Variants in SBF2 observed in about 807,000 individuals in gnomAD.
The protein encoded by SBF2 is myotubularin-related protein 13.
Under a neutral mutation model 225.2 loss-of-function variants are expected in SBF2, and 112 were observed. The observed-to-expected ratio is 0.50, with a 90% CI of 0.43 to 0.58. SBF2 has a LOEUF of 0.58. Among genes scored for constraint, SBF2 ranks in the 20% least tolerant of loss-of-function variants. The pLI is 0.00. For synonymous variants in SBF2, 763 were observed against 773.3 expected, an observed-to-expected ratio of 0.99 and a Z score of 0.22; for missense variants, 1,996 against 2,206.2, an observed-to-expected ratio of 0.90 and a Z score of 1.91.
intron 17 of SBF2, among the ~76,000 whole-genome samples, chr11:9,885,624 T>C (rs560614248): frequency 5.9e-4 from 90 of 152,306 alleles, no homozygotes; most frequent in African/African-American, 2.0e-3. Context: ...GGACACTTTA[T>C]ATTATATTCT....
In SBF2 at chr11:9,998,345, G is replaced by A. The variant is rs778811954; in HGVS notation, c.896C>T (p.Thr299Ile). The A allele has an allele frequency of 6.2e-6, 10 of 1,606,182 alleles. No homozygotes were observed. The Admixed American group carries it at 8.3e-5, about 13-fold the overall frequency. ...GTGAATACATTCGGGAATTTTAATA[G>A]TGCCTCCATCCAAATCTGCTATGAT... ...DVIIADLDGG[T>I]IKIPECIHLS... Residue 299 changes from threonine (T) to isoleucine (I), a missense_variant, in exon 9 of 40, where the codon ACT (threonine) becomes ATT (isoleucine). Physicochemically the swap from Thr to Ile is moderately conservative, Grantham distance 89 (BLOSUM62 -1). Coordinates refer to ENST00000256190, the MANE Select transcript of SBF2 (RefSeq NM_030962.4).
chr11:9,884,720 T>C (rs770052877), intron 17 of SBF2, among the ~76,000 whole-genome samples: 4 of 152,254 alleles, frequency 2.6e-5, no homozygotes, highest in African/African-American at 9.6e-5. Context: ...TCAAGTCTTA[T>C]GGGAGGCACT....
intron 25 of SBF2, 130 bp from the exon 26 acceptor site, chr11:9,839,826 T>C (rs918635475): frequency 9.2e-6 from 10 of 1,092,498 alleles, no homozygotes; most frequent in African/African-American, 1.5e-5. Context: ...AAGAAATGAT[T>C]AGCTCAAAGC....
chr11:10,132,547 T>C (rs1954112033), intron 2 of SBF2, among the ~76,000 whole-genome samples: 1 of 147,698 alleles, frequency 6.8e-6, no homozygotes, highest in Admixed American at 6.9e-5. Flanking sequence ...GCAGCGCGTC[T>C]GGAGTTGTTC....
intron 12 of SBF2, among the ~76,000 whole-genome samples, chr11:9,990,420 C>T (rs1018109703): frequency 6.6e-6 from 1 of 152,214 alleles, no homozygotes; most frequent in African/African-American, 2.4e-5. Context: ...CATAACACCC[C>T]ATTGTGGTAG....
At chr11:10,252,621 T>C (rs1342241868) in intron 1 of SBF2, among the ~76,000 whole-genome samples, 3 of 152,204 alleles carry the variant, frequency 2.0e-5, no homozygotes, top group South Asian at 2.1e-4. Context: ...CCATCCTGAC[T>C]AACACGGTGA....
At chr11:10,174,227 A>T (rs542468569) in intron 2 of SBF2, among the ~76,000 whole-genome samples, 1 of 152,190 alleles carries the variant, frequency 6.6e-6, no homozygotes, top group Admixed American at 6.5e-5. Context: ...TACGGGAGGA[A>T]ATTCAAACCA....
intron 16 of SBF2, among the ~76,000 whole-genome samples, chr11:9,905,344 T>A (rs1862038611): frequency 6.6e-6 from 1 of 152,242 alleles, no homozygotes; most frequent in Non-Finnish European, 1.5e-5. Flanking sequence ...TATGCCTTTT[T>A]GAATGTCATA....
chr11:10,248,831 T>C (rs991112928), intron 1 of SBF2, among the ~76,000 whole-genome samples: 9 of 152,216 alleles, frequency 5.9e-5, no homozygotes, highest in East Asian at 1.9e-4. Context: ...CGCGGAGGCT[T>C]ACGCCTGTAA....
At chr11:10,036,475 T>G (rs1242056513) in intron 3 of SBF2, among the ~76,000 whole-genome samples, 2 of 152,310 alleles carry the variant, frequency 1.3e-5, no homozygotes, top group East Asian at 3.9e-4. Flanking sequence ...CGGGACATAA[T>G]TTAAAGTATA....
intron 2 of SBF2, among the ~76,000 whole-genome samples, chr11:10,184,827 T>A (rs1030386676): frequency 6.6e-6 from 1 of 152,194 alleles, no homozygotes; most frequent in Non-Finnish European, 1.5e-5. Flanking sequence ...CCTGGGCTCA[T>A]GCCATTCTCT....
intron 17 of SBF2, among the ~76,000 whole-genome samples, chr11:9,888,040 T>C (rs1030212141): frequency 6.6e-6 from 1 of 152,204 alleles, no homozygotes; most frequent in African/African-American, 2.4e-5. Flanking sequence ...GTCGGCATAT[T>C]TGTATTCCAT....
At chr11:9,942,946 G>C (rs772656149) in intron 16 of SBF2, among the ~76,000 whole-genome samples, 48 of 85,658 alleles carry the variant, frequency 5.6e-4, no homozygotes, top group South Asian at 1.5e-3. Context: ...AAAGAAGGAA[G>C]GAACGAAGGA....
chr11:9,803,512 C>A (rs1009159468), intron 32 of SBF2, among the ~76,000 whole-genome samples: 7 of 151,532 alleles, frequency 4.6e-5, no homozygotes, highest in Non-Finnish European at 7.4e-5. Flanking sequence ...AGAAGAATTT[C>A]ATTCCAAGTA....
chr11:10,118,938 A>C (rs1047056134), intron 2 of SBF2, among the ~76,000 whole-genome samples: 2 of 130,494 alleles, frequency 1.5e-5, no homozygotes, highest in African/African-American at 6.2e-5. Flanking sequence ...ACAAACAAAC[A>C]AAAAAAAAAC....
intron 2 of SBF2, among the ~76,000 whole-genome samples, chr11:10,115,973 T>C (rs1953118801): frequency 6.6e-6 from 1 of 152,120 alleles, no homozygotes; most frequent in South Asian, 2.1e-4. Context: ...GAGACCATCC[T>C]GGCTAACACG....
At chr11:10,062,964 T>A (rs1479227683) in intron 2 of SBF2, among the ~76,000 whole-genome samples, 2 of 151,806 alleles carry the variant, frequency 1.3e-5, no homozygotes, top group Non-Finnish European at 2.9e-5. Flanking sequence ...ACAGACAGGA[T>A]AAAGAAAATG....
At chr11:9,880,536 A>G (rs1425621664) in intron 17 of SBF2, among the ~76,000 whole-genome samples, 1 of 151,958 alleles carries the variant, frequency 6.6e-6, no homozygotes, top group African/African-American at 2.4e-5. Context: ...TGCTACCTCT[A>G]TGTGGATCTC....
At chr11:10,288,438 T>C (rs1028551153) in intron 1 of SBF2, among the ~76,000 whole-genome samples, 5 of 152,164 alleles carry the variant, frequency 3.3e-5, no homozygotes, top group Non-Finnish European at 7.4e-5. Context: ...AGCTCCTTTA[T>C]GCAGGCAGGT....
Sources: gnomAD v4.1 joint callset for allele counts (sites outside exome capture counted in the v4.1 genomes callset) on GRCh38, gnomAD v4.1.1 for gene constraint, MANE v1.5 for transcripts, NCBI Gene and HGNC (gene_info 2026-07-23, HGNC 2026-07-21) for gene names.